Variants in PLD5 observed in about 807,000 individuals in gnomAD.
PLD5 encodes inactive phospholipase D5.
PLD5 carries 36 observed loss-of-function variants against 61.1 expected under a neutral mutation model. The observed-to-expected ratio is 0.59, with a 90% CI of 0.45 to 0.78. The LOEUF (loss-of-function observed/expected upper bound fraction) is 0.78. PLD5 is among the 30% of genes least tolerant of loss of function. The probability of loss-of-function intolerance (pLI) is 0.00; values close to 1 mark genes in which losing one functional copy is unlikely to be tolerated. For missense variants in PLD5, 515 were observed against 644.4 expected (o/e 0.80, Z 2.17); for synonymous variants, 243 against 242.8 (o/e 1.00, Z -0.01).
Position 242,205,050 on chromosome 1 carries a change from G to A in PLD5, c.735+14938C>T, listed in dbSNP as rs370444679. 5.9e-5 allele frequency among the ~76,000 whole-genome samples: 9 copies of A among 152,276 alleles called. 1 individual carries two copies. Among genetic ancestry groups the A allele is most frequent in the African/African-American group, 1.9e-4 (8 of 41,558 alleles). On this transcript the variant is annotated intron_variant, in intron 5 of 9. Coordinates refer to ENST00000536534, the MANE Select transcript of PLD5 (RefSeq NM_001372062.1). ...AAGAGGAACTTTAATGGAATGGACT[G>A]TATCTATGAAAAAAGCTGTGACCGG...
intron 5 of PLD5, among the ~76,000 whole-genome samples, chr1:242,178,657 C>T (rs1406004041): frequency 1.3e-5 from 2 of 152,156 alleles, no homozygotes; most frequent in Admixed American, 6.5e-5. Context: ...ACACTCAAAT[C>T]ACAATGTAGT....
intron 5 of PLD5, among the ~76,000 whole-genome samples, chr1:242,151,005 A>C (rs1664886943): frequency 6.6e-6 from 1 of 151,716 alleles, no homozygotes; most frequent in Non-Finnish European, 1.5e-5. Context: ...TAGACTTTAC[A>C]ATATAGATTT....
At chr1:242,278,521 G>A (rs1574656304) in intron 3 of PLD5, among the ~76,000 whole-genome samples, 1 of 152,220 alleles carries the variant, frequency 6.6e-6, no homozygotes, top group Non-Finnish European at 1.5e-5. Flanking sequence ...ATGGCAGCAT[G>A]AAGCAGCAGC....
At chr1:242,529,816 T>TTCCTTCCTTCCTTCCC in the PLD5 span, among the ~76,000 whole-genome samples, 1 of 149,208 alleles carries the variant, frequency 6.7e-6, no homozygotes, top group Non-Finnish European at 1.5e-5. Flanking sequence ...CCTTCCTTCC[T>TTCCTTCCTTCCTTCCC]TCCTTCCTTC....
At chr1:242,118,305 C>T (rs1482799996) in intron 6 of PLD5, among the ~76,000 whole-genome samples, 1 of 152,212 alleles carries the variant, frequency 6.6e-6, no homozygotes, top group Non-Finnish European at 1.5e-5. Context: ...GGCCTGTTTG[C>T]TGGCTGGGTT....
chr1:242,241,722 C>T (rs1374446391), intron 4 of PLD5, among the ~76,000 whole-genome samples: 1 of 151,588 alleles, frequency 6.6e-6, no homozygotes, highest in East Asian at 1.9e-4. Context: ...TCTCCATCTG[C>T]ACTGTGGAGA....
intron 5 of PLD5, among the ~76,000 whole-genome samples, chr1:242,146,801 C>T (rs1357804276): frequency 6.6e-6 from 1 of 152,184 alleles, no homozygotes; most frequent in Admixed American, 6.5e-5. Flanking sequence ...AAACCAGCCA[C>T]CTTTTGTCCT....
intron 7 of PLD5, among the ~76,000 whole-genome samples, chr1:242,109,436 CCACTG>C (rs1358161875): frequency 1.3e-5 from 2 of 152,082 alleles, no homozygotes; most frequent in Non-Finnish European, 2.9e-5. Flanking sequence ...CAAGATTGTG[CCACTG>C]CACTCCAGCC....
chr1:242,347,263 TG>T (rs1397969011), intron 2 of PLD5, among the ~76,000 whole-genome samples: 1 of 152,210 alleles, frequency 6.6e-6, no homozygotes, highest in Non-Finnish European at 1.5e-5. Context: ...CTAGGAAAGT[TG>T]GGGGGTGGTC....
chr1:242,179,762 G>A (rs1558311766), intron 5 of PLD5, among the ~76,000 whole-genome samples: 2 of 152,196 alleles, frequency 1.3e-5, no homozygotes, highest in African/African-American at 4.8e-5. Context: ...AATTAGCCGG[G>A]CATGGTGGTG....
intron 3 of PLD5, among the ~76,000 whole-genome samples, chr1:242,268,706 C>T (rs1673865765): frequency 6.6e-6 from 1 of 152,170 alleles, no homozygotes; most frequent in South Asian, 2.1e-4. Flanking sequence ...AAATCGTCTT[C>T]AGTGTGTTAT....
chr1:242,220,390 T>A (rs1426516221), intron 4 of PLD5, among the ~76,000 whole-genome samples: 1 of 152,200 alleles, frequency 6.6e-6, no homozygotes, highest in Non-Finnish European at 1.5e-5. Context: ...TTGCATATAG[T>A]GACAAGACCA....
chr1:242,257,002 A>G (rs1673091540), intron 4 of PLD5, among the ~76,000 whole-genome samples: 1 of 149,836 alleles, frequency 6.7e-6, no homozygotes, highest in Non-Finnish European at 1.5e-5. Flanking sequence ...TCTATCATCT[A>G]TCTATCTATC....
At chr1:242,313,457 A>G (rs1423842223) in intron 2 of PLD5, among the ~76,000 whole-genome samples, 1 of 152,172 alleles carries the variant, frequency 6.6e-6, no homozygotes. Flanking sequence ...TTACCTATCT[A>G]AGGTCTAATG....
Position 242,265,318 on chromosome 1 carries a change from A to T in PLD5, c.607+19T>A. On this transcript the variant is annotated intron_variant, in intron 4 of 9. Coordinates refer to ENST00000536534, the MANE Select transcript of PLD5 (RefSeq NM_001372062.1). ...ACAGAACACCCAGCGGTAGAATAGC[A>T]TATCAACCTTGGTCTTACCCTTTAA... 1 of 1,600,038 alleles carries T rather than the reference A, an allele frequency of 6.2e-7. No homozygotes were observed. The highest frequency in any genetic ancestry group is 8.5e-7 in the Non-Finnish European group (1 of 1,177,044).
chr1:242,299,585 A>G (rs1470976264), intron 2 of PLD5, among the ~76,000 whole-genome samples: 6 of 152,344 alleles, frequency 3.9e-5, no homozygotes, highest in Admixed American at 3.9e-4. Context: ...AAAACAAAAT[A>G]TCCAGGCAGA....
intron 5 of PLD5, among the ~76,000 whole-genome samples, chr1:242,205,557 G>A (rs899623781): frequency 3.9e-5 from 6 of 152,112 alleles, no homozygotes; most frequent in African/African-American, 1.2e-4. Flanking sequence ...AACACAGAGA[G>A]AATTAATCAT....
In PLD5 at chr1:242,314,012, T is replaced by C. The variant is rs546320262; in HGVS notation, c.327-25482A>G. ...TTTTTCCTAGACTTAGTGGTCACTT[T>C]AGTGGTCACCTGAGAAGCAACTAGC... On this transcript the variant is annotated intron_variant, in intron 2 of 9. Transcript: ENST00000536534. Among the ~76,000 whole-genome samples the C allele has an allele frequency of 1.8e-4, 28 of 152,290 alleles. 1 individual carries two copies. The South Asian group carries it at 5.4e-3, about 29-fold the overall frequency.
intron 4 of PLD5, among the ~76,000 whole-genome samples, chr1:242,227,124 G>A (rs1475549254): frequency 6.6e-6 from 1 of 152,030 alleles, no homozygotes; most frequent in Non-Finnish European, 1.5e-5. Flanking sequence ...AATCCCATGT[G>A]GTAGAGTTAG....
Sources: allele counts gnomAD v4.1 joint callset (sites outside exome capture counted in the v4.1 genomes callset), GRCh38; gene constraint gnomAD v4.1.1; transcripts MANE v1.5; gene names NCBI Gene and HGNC (gene_info 2026-07-23, HGNC 2026-07-21).